The following USP7 variants were observed in gnomAD, a reference collection of about 807,000 sequenced individuals.
USP7 encodes the protein ubiquitin C-terminal hydrolase 7.
A neutral mutation model predicts 162.9 loss-of-function variants in USP7; 9 were observed. The ratio of observed to expected loss-of-function variants is 0.06; its 90% CI spans 0.03 to 0.10. The LOEUF (loss-of-function observed/expected upper bound fraction) is 0.10. Among genes scored for constraint, USP7 ranks in the 10% least tolerant of loss-of-function variants. The pLI is 1.00. For synonymous variants in USP7, 562 were observed against 475.9 expected, an observed-to-expected ratio of 1.18 and a Z score of -2.35; for missense variants, 715 against 1,373.7, an observed-to-expected ratio of 0.52 and a Z score of 7.58.
At chr16:8,924,873 T>A (rs976677178) in intron 2 of USP7, among the ~76,000 whole-genome samples, 2 of 152,226 alleles carry the variant, frequency 1.3e-5, no homozygotes, top group African/African-American at 4.8e-5. Context: ...GCTGAGTTGC[T>A]TACAGCACAG....
chr16:8,903,395 G>A lies in USP7; in HGVS notation c.1712C>T (p.Ala571Val), dbSNP rs2061808664. 6.2e-7 allele frequency: 1 copy of A among 1,613,490 alleles called. No homozygotes were observed. Among genetic ancestry groups the A allele is most frequent in the South Asian group, 1.1e-5 (1 of 91,022 alleles). ...AHLYMQVQIV[A>V]EDQFCGHQGN... Reference sequence around the variant, plus strand: ...TTGGTGGCCACAAAACTGGTCCTCTGCGACTATCTGAAAATATGTATGAAA... The same window carrying A: ...TTGGTGGCCACAAAACTGGTCCTCTACGACTATCTGAAAATATGTATGAAA... The change falls in exon 16 of 31, where the codon GCA (alanine) becomes GTA (valine). Residue 571 changes from alanine (A) to valine (V), a missense_variant. By Grantham distance (64) the Ala-to-Val change is moderately conservative (BLOSUM62 0). Coordinates refer to ENST00000344836, the MANE Select transcript of USP7 (RefSeq NM_003470.3).
intron 1 of USP7, chr16:8,936,595 G>C (rs113545079): frequency 6.4e-7 from 1 of 1,552,968 alleles, no homozygotes; most frequent in East Asian, 2.4e-5. Context: ...TCCAGCCCAA[G>C]CCTGTGGTTC....
At position 8,902,496 on chromosome 16, in the gene USP7, T is replaced by G. The variant is rs1555462591; in HGVS notation, c.1840-14A>C. The stretch of plus-strand genomic sequence containing the variant: ...TTGTGGAAATCCCTGAAAAAAATAT[T>G]AAGAGTAGATTAAAATAAAAACACG... On this transcript the variant is annotated splice_polypyrimidine_tract_variant and intron_variant, in intron 16 of 30. Coordinates refer to ENST00000344836, the MANE Select transcript of USP7 (RefSeq NM_003470.3). 1.9e-6 allele frequency: 3 copies of G among 1,608,216 alleles called. No individual in the cohort carries two copies. The highest frequency in any genetic ancestry group is 1.1e-5 in the South Asian group (1 of 90,566).
rs2061640255 is a variant in USP7, at chr16:8,893,775, T to C, written c.*223A>G. 2.0e-6 allele frequency: 1 copy of C among 507,076 alleles called. No individual in the cohort carries two copies. Among genetic ancestry groups the C allele is most frequent in the Non-Finnish European group, 3.6e-6 (1 of 278,642 alleles). 31.4% of individuals were successfully genotyped at this position (507,076 alleles called of 1,614,324 possible). ...TGCACTGTGGTTACCATAAAATAAC[T>C]CTCATTGGCATCCAAGCTTTATAAA... On this transcript the variant is annotated 3_prime_UTR_variant, in exon 31 of 31. Coordinates refer to ENST00000344836, the MANE Select transcript of USP7 (RefSeq NM_003470.3).
chr16:8,953,116 G>C (rs1009552023), intron 1 of USP7, among the ~76,000 whole-genome samples: 2 of 152,222 alleles, frequency 1.3e-5, no homozygotes, highest in African/African-American at 2.4e-5. Context: ...TTACAGGTGT[G>C]AGCCACTATG....
At chr16:8,941,503 A>T (rs1044124267) in intron 1 of USP7, among the ~76,000 whole-genome samples, 2 of 152,230 alleles carry the variant, frequency 1.3e-5, no homozygotes, top group Admixed American at 1.3e-4. Flanking sequence ...CTCTTCTCGC[A>T]GGTCAACCGA....
At chr16:8,900,959 T>A in intron 20 of USP7, 31 bp downstream of exon 20, 2 of 1,606,020 alleles carry the variant, frequency 1.2e-6, no homozygotes, top group Non-Finnish European at 1.7e-6. Context: ...ACTAAGAATA[T>A]ACTAATTATG....
chr16:8,941,127 AT>A lies in USP7; in HGVS notation c.80-10731del, dbSNP rs572877263. The stretch of plus-strand genomic sequence containing the variant: ...CTGCTGCCCAATTCACATGGGGCCC[AT>A]GCCCCATGCCCATGAGGACCCCCCG... On this transcript the variant is annotated intron_variant, in intron 1 of 30. Transcript: ENST00000344836. Among the ~76,000 whole-genome samples the A allele has an allele frequency of 8.3e-3, 1,261 of 151,710 alleles. 11 individuals carry two copies. Among genetic ancestry groups the A allele is most frequent in the Middle Eastern group, 0.014 (4 of 294 alleles).
At chr16:8,920,243 C>G in intron 5 of USP7, 116 bp downstream of exon 5, 1 of 865,744 alleles carries the variant, frequency 1.2e-6, no homozygotes, top group Non-Finnish European at 1.8e-6. Context: ...ACAGGGCAAG[C>G]GCAGAGAGGA....
At chr16:8,913,042 T>C (rs896681198) in intron 10 of USP7, among the ~76,000 whole-genome samples, 1 of 151,386 alleles carries the variant, frequency 6.6e-6, no homozygotes, top group African/African-American at 2.4e-5. Flanking sequence ...TGAAAACCAG[T>C]GAGAAGGAAA....
intron 13 of USP7, among the ~76,000 whole-genome samples, chr16:8,905,706 A>T (rs964840054): frequency 6.6e-6 from 1 of 152,196 alleles, no homozygotes; most frequent in African/African-American, 2.4e-5. Context: ...CGAGAGTTCA[A>T]ATTTTATCCT....
At chr16:8,905,478 A>C in intron 13 of USP7, 147 bp from the exon 14 acceptor site, 1 of 978,868 alleles carries the variant, frequency 1.0e-6, no homozygotes, top group Non-Finnish European at 1.5e-6. Context: ...ACAGGCACAC[A>C]ATCTGACGGT....
chr16:8,915,817 T>C (rs1358968458), intron 8 of USP7, among the ~76,000 whole-genome samples: 2 of 152,210 alleles, frequency 1.3e-5, no homozygotes, highest in African/African-American at 4.8e-5. Flanking sequence ...TGGAAAAGCA[T>C]GTAAAATTGT....
chr16:8,923,554 A>G (rs1897821950), intron 2 of USP7, 141 bp from the exon 3 acceptor site: 4 of 858,164 alleles, frequency 4.7e-6, no homozygotes, highest in Non-Finnish European at 7.1e-6. Context: ...CTTCCAATTT[A>G]TTAAAACCCG....
At chr16:8,900,496 T>C (rs776423056) in intron 21 of USP7, 34 bp downstream of exon 21, 2 of 1,486,724 alleles carry the variant, frequency 1.3e-6, no homozygotes, top group Non-Finnish European at 1.8e-6. Context: ...CTGAAATTAG[T>C]ACAAAGTGAT....
intron 30 of USP7, 109 bp downstream of exon 30, chr16:8,894,441 G>T: frequency 9.2e-7 from 1 of 1,091,074 alleles, no homozygotes; most frequent in Non-Finnish European, 1.3e-6. Context: ...GTCGGCCAGT[G>T]GAGAGAGAGG....
At chr16:8,942,130 G>C (rs1345098278) in intron 1 of USP7, among the ~76,000 whole-genome samples, 2 of 152,266 alleles carry the variant, frequency 1.3e-5, no homozygotes, top group Non-Finnish European at 2.9e-5. Flanking sequence ...GGGAAGGTGG[G>C]CAGGGCCAAA....
At chr16:8,921,108 A>G (rs781647989) in intron 4 of USP7, 49 bp downstream of exon 4, 8 of 1,570,578 alleles carry the variant, frequency 5.1e-6, no homozygotes, top group Non-Finnish European at 6.9e-6. Context: ...TTAAGGGAAC[A>G]ACAAGCAGTA....
chr16:8,927,718 C>T (rs1898089665), intron 2 of USP7, among the ~76,000 whole-genome samples: 1 of 152,182 alleles, frequency 6.6e-6, no homozygotes, highest in South Asian at 2.1e-4. Flanking sequence ...TGCCTGTAAT[C>T]CCAGCTACTC....
Sources: allele counts gnomAD v4.1 joint callset (sites outside exome capture counted in the v4.1 genomes callset), GRCh38; gene constraint gnomAD v4.1.1; transcripts MANE v1.5; gene names NCBI Gene and HGNC (gene_info 2026-07-23, HGNC 2026-07-21).